CACNA2D3: variants seen among roughly 807,000 people sequenced by gnomAD.
The protein encoded by CACNA2D3 is voltage-dependent calcium channel subunit alpha-2/delta-3.
CACNA2D3 carries 60 observed loss-of-function variants against 160.6 expected under a neutral mutation model. That is an observed-to-expected ratio of 0.37 (90% confidence interval 0.30 to 0.46). CACNA2D3 has a LOEUF of 0.46. CACNA2D3 is among the 20% of genes least tolerant of loss of function. CACNA2D3 has a pLI of 1.00. For missense variants in CACNA2D3, 1,205 were observed against 1,365.0 expected (o/e 0.88, Z 1.85); for synonymous variants, 558 against 492.9 (o/e 1.13, Z -1.75).
intron 31 of CACNA2D3, among the ~76,000 whole-genome samples, chr3:54,995,180 G>A (rs1702828835): frequency 6.6e-6 from 1 of 152,002 alleles, no homozygotes; most frequent in Non-Finnish European, 1.5e-5. Context: ...CGCCATGTTG[G>A]TCAGGCTGGT....
rs751969639 is a variant in CACNA2D3, at chr3:54,987,759, G to C, written c.2690+6G>C. The C allele has an allele frequency of 3.1e-6, 5 of 1,592,148 alleles. No homozygotes were observed. Among genetic ancestry groups the C allele is most frequent in the Admixed American group, 3.6e-5 (2 of 54,834 alleles). On this transcript the variant is annotated splice_donor_region_variant and intron_variant, in intron 31 of 37. Coordinates refer to ENST00000474759, the MANE Select transcript of CACNA2D3 (RefSeq NM_018398.3). ...ACAATGGGCTCCTTTAAAAGGTAAG[G>C]GTTTTATGGTCCACTGCATTCCCCC... is the stretch of plus-strand genomic sequence containing the variant.
intron 35 of CACNA2D3, among the ~76,000 whole-genome samples, chr3:55,037,584 T>G (rs144443173): frequency 6.6e-6 from 1 of 152,328 alleles, no homozygotes; most frequent in African/African-American, 2.4e-5. Context: ...GCCATCAATT[T>G]AGAGAGGGTA....
intron 11 of CACNA2D3, among the ~76,000 whole-genome samples, chr3:54,716,482 G>A (rs1701052117): frequency 2.0e-5 from 3 of 152,170 alleles, no homozygotes; most frequent in Admixed American, 2.0e-4. Flanking sequence ...AGACGTTACT[G>A]TCAATTACGT....
chr3:54,219,990 G>T (rs1701537073), intron 2 of CACNA2D3, among the ~76,000 whole-genome samples: 2 of 151,856 alleles, frequency 1.3e-5, no homozygotes, highest in Admixed American at 6.6e-5. Flanking sequence ...TTTGCACTTG[G>T]CATTTTATTG....
intron 11 of CACNA2D3, among the ~76,000 whole-genome samples, chr3:54,727,581 A>G (rs916469757): frequency 2.6e-5 from 4 of 152,260 alleles, no homozygotes; most frequent in African/African-American, 7.2e-5. Flanking sequence ...GCAGCCATAA[A>G]ACAGGATGAG....
At chr3:54,207,545 C>T (rs1249238063) in intron 2 of CACNA2D3, among the ~76,000 whole-genome samples, 2 of 152,180 alleles carry the variant, frequency 1.3e-5, no homozygotes, top group Non-Finnish European at 2.9e-5. Context: ...CTCTCCCTTG[C>T]ACAAACCCAC....
At chr3:54,539,012 C>T (rs1575510735) in intron 5 of CACNA2D3, among the ~76,000 whole-genome samples, 1 of 152,094 alleles carries the variant, frequency 6.6e-6, no homozygotes, top group African/African-American at 2.4e-5. Context: ...TCACTTTTGC[C>T]GTCTGTAAAA....
chr3:54,970,195 A>G (rs1193221138), intron 29 of CACNA2D3, among the ~76,000 whole-genome samples: 1 of 152,110 alleles, frequency 6.6e-6, no homozygotes, highest in Non-Finnish European at 1.5e-5. Flanking sequence ...CATCCTTGCA[A>G]CAACCGGTGA....
At chr3:54,797,728 CT>C in intron 13 of CACNA2D3, among the ~76,000 whole-genome samples, 1 of 152,130 alleles carries the variant, frequency 6.6e-6, no homozygotes, top group East Asian at 1.9e-4. Flanking sequence ...AGTTCCAGAG[CT>C]TTTGCACACC....
chr3:54,672,796 G>C lies in CACNA2D3; in HGVS notation c.1167+30555G>C, dbSNP rs567999151. 2.4e-4 allele frequency among the ~76,000 whole-genome samples: 37 copies of C among 152,290 alleles called. No individual in the cohort carries two copies. In the South Asian group the frequency reaches 7.5e-3, roughly 31 times the overall value. Reference sequence around the variant, plus strand: ...GAATGGTCGTGTTCACTCTCTCCTAGAGTGGTCGCAAGGATTAAAGGAGAT... The same window carrying C: ...GAATGGTCGTGTTCACTCTCTCCTACAGTGGTCGCAAGGATTAAAGGAGAT... On this transcript the variant is annotated intron_variant, in intron 11 of 37. Transcript: ENST00000474759.
intron 4 of CACNA2D3, among the ~76,000 whole-genome samples, chr3:54,478,327 A>T (rs1296264498): frequency 6.6e-6 from 1 of 152,072 alleles, no homozygotes; most frequent in Admixed American, 6.6e-5. Flanking sequence ...AAATTCCAGA[A>T]ATAATTCATA....
chr3:54,873,515 G>A (rs1385566739), intron 18 of CACNA2D3, among the ~76,000 whole-genome samples: 3 of 152,092 alleles, frequency 2.0e-5, no homozygotes, highest in Admixed American at 6.6e-5. Flanking sequence ...TTCAGTGAGC[G>A]AATGTCTCCT....
chr3:54,483,430 C>T (rs549113012), intron 4 of CACNA2D3, among the ~76,000 whole-genome samples: 9 of 152,268 alleles, frequency 5.9e-5, no homozygotes, highest in South Asian at 2.1e-4. Context: ...CCTCCATTGA[C>T]AAGACAAAAT....
At position 54,210,579 on chromosome 3, in the gene CACNA2D3, T is replaced by C. The variant is rs571137935; in HGVS notation, c.204+86985T>C. Among the ~76,000 whole-genome samples, 3 of 152,192 alleles carry C rather than the reference T, an allele frequency of 2.0e-5. No homozygotes were observed. The South Asian group carries it at 6.2e-4, about 32-fold the overall frequency. On this transcript the variant is annotated intron_variant, in intron 2 of 37. Transcript: ENST00000474759. ...AGTTTCCTCATCTGTTAGACAAGGA[T>C]TGGGTGCTGGAAGAGTAGATGAGGT...
chr3:54,478,038 C>T (rs990214778), intron 4 of CACNA2D3, among the ~76,000 whole-genome samples: 13 of 152,126 alleles, frequency 8.5e-5, no homozygotes, highest in Non-Finnish European at 1.8e-4. Context: ...CCATTTTTAA[C>T]CAAGACAGAG....
At chr3:54,218,953 A>G (rs888038102) in intron 2 of CACNA2D3, among the ~76,000 whole-genome samples, 1 of 152,126 alleles carries the variant, frequency 6.6e-6, no homozygotes, top group African/African-American at 2.4e-5. Flanking sequence ...CCCTATCTCA[A>G]GATCCTTAAT....
At chr3:54,888,445 G>A (rs1699978779) in intron 24 of CACNA2D3, among the ~76,000 whole-genome samples, 1 of 152,124 alleles carries the variant, frequency 6.6e-6, no homozygotes, top group Non-Finnish European at 1.5e-5. Flanking sequence ...CAGTTTCATA[G>A]GGTGTTAGAT....
At chr3:54,510,293 A>G (rs970714801) in intron 5 of CACNA2D3, among the ~76,000 whole-genome samples, 1 of 152,034 alleles carries the variant, frequency 6.6e-6, no homozygotes, top group Non-Finnish European at 1.5e-5. Context: ...GGATGAGTGG[A>G]TTACTTACCA....
chr3:54,206,918 G>A (rs1404575452), intron 2 of CACNA2D3, among the ~76,000 whole-genome samples: 2 of 152,306 alleles, frequency 1.3e-5, no homozygotes, highest in Non-Finnish European at 1.5e-5. Context: ...CTTCCAAGGA[G>A]TGACTTGGGG....
Sources: allele counts gnomAD v4.1 joint callset (sites outside exome capture counted in the v4.1 genomes callset), GRCh38; gene constraint gnomAD v4.1.1; transcripts MANE v1.5; gene names NCBI Gene and HGNC (gene_info 2026-07-23, HGNC 2026-07-21).